SLC24A3: variants seen among roughly 807,000 people sequenced by gnomAD.
The protein encoded by SLC24A3 is sodium/potassium/calcium exchanger 3.
SLC24A3 carries 28 observed loss-of-function variants against 75.8 expected under a neutral mutation model. That is an observed-to-expected ratio of 0.37 (90% CI 0.27 to 0.51). The LOEUF is 0.51. Ranked by LOEUF, SLC24A3 falls within the 20% of genes least tolerant of loss-of-function variation. The pLI is 0.94. For missense variants in SLC24A3, 663 were observed against 847.8 expected (o/e 0.78, Z 2.71); for synonymous variants, 372 against 334.1 (o/e 1.11, Z -1.24).
intron 6 of SLC24A3, among the ~76,000 whole-genome samples, chr20:19,627,977 C>A (rs1398117973): frequency 6.6e-6 from 1 of 151,814 alleles, no homozygotes; most frequent in Non-Finnish European, 1.5e-5. Flanking sequence ...GCGGGCAGAC[C>A]ACGAGGACAA....
At chr20:19,356,059 C>G (rs923381596) in intron 2 of SLC24A3, among the ~76,000 whole-genome samples, 1 of 152,214 alleles carries the variant, frequency 6.6e-6, no homozygotes, top group Non-Finnish European at 1.5e-5. Flanking sequence ...GGACCAAACT[C>G]TGCCACCTGC....
intron 2 of SLC24A3, among the ~76,000 whole-genome samples, chr20:19,365,194 G>A (rs894784433): frequency 5.3e-5 from 8 of 152,194 alleles, no homozygotes; most frequent in Admixed American, 2.0e-4. Context: ...AACTTCTGGG[G>A]TGATAGGAAT....
intron 1 of SLC24A3, among the ~76,000 whole-genome samples, chr20:19,277,920 C>A (rs1385538430): frequency 6.6e-6 from 1 of 152,190 alleles, no homozygotes; most frequent in African/African-American, 2.4e-5. Flanking sequence ...TACAGTACCA[C>A]AAAGCATTTC....
At chr20:19,707,196 C>T (rs1194754123) in intron 15 of SLC24A3, among the ~76,000 whole-genome samples, 4 of 152,192 alleles carry the variant, frequency 2.6e-5, no homozygotes, top group Non-Finnish European at 5.9e-5. Context: ...GAGTATCACA[C>T]AGCCAAGCCC....
chr20:19,603,660 T>G (rs1318450262), intron 6 of SLC24A3, among the ~76,000 whole-genome samples: 1 of 152,230 alleles, frequency 6.6e-6, no homozygotes, highest in African/African-American at 2.4e-5. Flanking sequence ...ACTATCAGAC[T>G]TCGGGTACAT....
intron 3 of SLC24A3, among the ~76,000 whole-genome samples, chr20:19,559,154 T>G (rs2030834221): frequency 6.6e-6 from 1 of 152,198 alleles, no homozygotes; most frequent in African/African-American, 2.4e-5. Flanking sequence ...TTCTTTACTT[T>G]AGTCATTCTA....
intron 9 of SLC24A3, among the ~76,000 whole-genome samples, chr20:19,674,850 C>T (rs1163032856): frequency 3.3e-5 from 5 of 152,002 alleles, no homozygotes; most frequent in African/African-American, 9.7e-5. Flanking sequence ...ATCAGGAGTT[C>T]GTGACCAGCC....
chr20:19,299,198 A>ATATGTG (rs374750267), intron 2 of SLC24A3, among the ~76,000 whole-genome samples: 1 of 144,912 alleles, frequency 6.9e-6, no homozygotes, highest in African/African-American at 2.5e-5. Context: ...GTGTGTGTGT[A>ATATGTG]TGTGTGTGTG....
At chr20:19,224,093 T>TA (rs1307578891) in intron 1 of SLC24A3, among the ~76,000 whole-genome samples, 1 of 151,232 alleles carries the variant, frequency 6.6e-6, no homozygotes, top group African/African-American at 2.4e-5. Context: ...AAATGAGGAC[T>TA]ACTGTACCCA....
intron 2 of SLC24A3, among the ~76,000 whole-genome samples, chr20:19,341,706 C>A (rs1416900610): frequency 6.6e-6 from 1 of 152,212 alleles, no homozygotes; most frequent in African/African-American, 2.4e-5. Flanking sequence ...CAAATAGCAG[C>A]AGTTTCCCAT....
chr20:19,397,647 C>CTTTTTTTTTTTTTT (rs3057518), intron 2 of SLC24A3, among the ~76,000 whole-genome samples: 20 of 117,098 alleles, frequency 1.7e-4, no homozygotes, highest in Non-Finnish European at 2.6e-4. Flanking sequence ...TTTTTCTTTT[C>CTTTTTTTTTTTTTT]TTTTTTTTTT....
chr20:19,605,837 T>G (rs1490290405), intron 6 of SLC24A3, among the ~76,000 whole-genome samples: 2 of 152,190 alleles, frequency 1.3e-5, no homozygotes, highest in Non-Finnish European at 2.9e-5. Context: ...TTTTTTTCCC[T>G]AACTCCTCCA....
chr20:19,486,376 A>C (rs1662456087), intron 2 of SLC24A3, among the ~76,000 whole-genome samples: 1 of 152,222 alleles, frequency 6.6e-6, no homozygotes, highest in East Asian at 1.9e-4. Context: ...TGAATGAAGA[A>C]ATGAAAGCCT....
At chr20:19,567,248 A>C (rs1251592099) in intron 3 of SLC24A3, among the ~76,000 whole-genome samples, 1 of 152,250 alleles carries the variant, frequency 6.6e-6, no homozygotes, top group Non-Finnish European at 1.5e-5. Context: ...CACTATTCAC[A>C]AAAGCAAAGA....
chr20:19,481,624 G>A (rs894447049), intron 2 of SLC24A3, among the ~76,000 whole-genome samples: 4 of 152,170 alleles, frequency 2.6e-5, no homozygotes, highest in African/African-American at 7.2e-5. Flanking sequence ...GGGGAGAGCA[G>A]AGTGAGTCTG....
intron 3 of SLC24A3, among the ~76,000 whole-genome samples, chr20:19,520,005 A>G (rs576672509): frequency 2.4e-4 from 37 of 152,314 alleles, no homozygotes; most frequent in Non-Finnish European, 4.1e-4. Flanking sequence ...TATTCTTCCT[A>G]AGCTTTGAGC....
In SLC24A3 at chr20:19,677,675, CT is replaced by C. The variant is rs1023611195; in HGVS notation, c.767+4031del. Among the ~76,000 whole-genome samples the C allele has an allele frequency of 6.2e-3, 596 of 95,618 alleles. 2 individuals are homozygous for C. Among genetic ancestry groups the C allele is most frequent in the East Asian group, 0.03 (96 of 3,170 alleles). 62.7% of individuals were successfully genotyped at this position (95,618 alleles called of 152,430 possible). ...CACAGCTGGATACTCTTTTAGGATT[CT>C]TTTTTTTTTCTTTTTTTTTTTTTTT... On this transcript the variant is annotated intron_variant, in intron 9 of 16. Transcript: ENST00000328041.
intron 3 of SLC24A3, among the ~76,000 whole-genome samples, chr20:19,559,305 A>T (rs2030836420): frequency 6.6e-6 from 1 of 151,848 alleles, no homozygotes; most frequent in Admixed American, 6.6e-5. Flanking sequence ...TTTTAATTGG[A>T]TTATTTCTTT....
chr20:19,503,755 TTAGA>T (rs1988421641), intron 2 of SLC24A3, among the ~76,000 whole-genome samples: 1 of 152,228 alleles, frequency 6.6e-6, no homozygotes, highest in Non-Finnish European at 1.5e-5. Context: ...ACGCATATTC[TTAGA>T]TATTTATTTC....
Sources: allele counts gnomAD v4.1 joint callset (sites outside exome capture counted in the v4.1 genomes callset), GRCh38; gene constraint gnomAD v4.1.1; transcripts MANE v1.5; gene names NCBI Gene and HGNC (gene_info 2026-07-23, HGNC 2026-07-21).